The following PALM2AKAP2 variants were observed in gnomAD, a reference collection of about 807,000 sequenced individuals.
PALM2AKAP2 encodes the protein PALM2 and AKAP2 fusion, also known as PALM2-AKAP2 fusion protein.
A neutral mutation model predicts 71.5 loss-of-function variants in PALM2AKAP2; 37 were observed. The observed-to-expected ratio is 0.52, with a 90% confidence interval of 0.40 to 0.68. The LOEUF is 0.68. Among genes scored for constraint, PALM2AKAP2 ranks in the 30% least tolerant of loss-of-function variants. The pLI, the probability that PALM2AKAP2 is intolerant of heterozygous loss-of-function variation, is 0.00. For synonymous variants in PALM2AKAP2, 468 were observed against 478.8 expected (o/e 0.98, Z 0.29); for missense variants, 1,224 against 1,191.8 (o/e 1.03, Z -0.40).
At chr9:110,118,171 A>T (rs1247023744) in intron 1 of PALM2AKAP2, among the ~76,000 whole-genome samples, 1 of 146,460 alleles carries the variant, frequency 6.8e-6, no homozygotes, top group East Asian at 2.0e-4. Flanking sequence ...TGGAATATAT[A>T]TTATATATAT....
chr9:109,780,652 TA>T, intron 1 of PALM2AKAP2, 119 bp downstream of exon 1: 1 of 1,429,354 alleles, frequency 7.0e-7, no homozygotes, highest in Non-Finnish European at 9.8e-7. Context: ...TTCCAGGGGC[TA>T]AAACTCTGTC....
chr9:110,050,060 T>C (rs1833680355), intron 1 of PALM2AKAP2, among the ~76,000 whole-genome samples: 1 of 152,262 alleles, frequency 6.6e-6, no homozygotes, highest in Non-Finnish European at 1.5e-5. Context: ...CAGATCAGAC[T>C]TTGACATATC....
intron 1 of PALM2AKAP2, among the ~76,000 whole-genome samples, chr9:110,081,175 GA>G (rs1218874500): frequency 6.6e-6 from 1 of 152,234 alleles, no homozygotes; most frequent in Non-Finnish European, 1.5e-5. Flanking sequence ...GGGTCTTGCA[GA>G]AAGAATATGC....
At chr9:110,075,179 A>G (rs1348287655) in intron 1 of PALM2AKAP2, among the ~76,000 whole-genome samples, 1 of 151,960 alleles carries the variant, frequency 6.6e-6, no homozygotes, top group East Asian at 1.9e-4. Context: ...GTTCACCCCT[A>G]CTCTTTTACC....
intron 3 of PALM2AKAP2, among the ~76,000 whole-genome samples, chr9:109,889,876 A>G (rs1045713468): frequency 2.0e-5 from 3 of 152,216 alleles, no homozygotes; most frequent in South Asian, 2.1e-4. Context: ...TGGGAAATAC[A>G]TGCATTTCCC....
At chr9:109,822,587 C>T (rs1587935505) in intron 1 of PALM2AKAP2, among the ~76,000 whole-genome samples, 2 of 152,230 alleles carry the variant, frequency 1.3e-5, no homozygotes, top group East Asian at 3.9e-4. Flanking sequence ...CCATGGTATA[C>T]TCAGTGTTTA....
intron 6 of PALM2AKAP2, among the ~76,000 whole-genome samples, chr9:110,009,126 G>A (rs1832833625): frequency 6.6e-6 from 1 of 152,104 alleles, no homozygotes; most frequent in African/African-American, 2.4e-5. Flanking sequence ...TTGCACATTC[G>A]GGTCCATTCA....
At chr9:109,775,159 C>T (rs1184235621) in intron 1 of PALM2AKAP2, among the ~76,000 whole-genome samples, 4 of 152,190 alleles carry the variant, frequency 2.6e-5, no homozygotes, top group Non-Finnish European at 4.4e-5. Context: ...GATTCCCGTA[C>T]ACTCTCCTTA....
chr9:109,849,625 G>A (rs10980085), intron 1 of PALM2AKAP2, among the ~76,000 whole-genome samples: 16,365 of 151,948 alleles, frequency 0.11, 1,004 homozygotes, highest in East Asian at 0.24. Flanking sequence ...GCATGGTGGC[G>A]TGCACCTGTA....
intron 1 of PALM2AKAP2, among the ~76,000 whole-genome samples, chr9:110,056,794 C>T (rs983318953): frequency 6.6e-6 from 1 of 152,082 alleles, no homozygotes; most frequent in Non-Finnish European, 1.5e-5. Context: ...GAGATGGACT[C>T]AAGAGTGGGA....
chr9:109,995,461 A>C (rs141678025), intron 6 of PALM2AKAP2, among the ~76,000 whole-genome samples: 1,742 of 152,290 alleles, frequency 0.011, 19 homozygotes, highest in Non-Finnish European at 0.018. Context: ...TAAAAAAGAC[A>C]TACCCAAGAC....
intron 7 of PALM2AKAP2, among the ~76,000 whole-genome samples, chr9:110,040,851 TTCTA>T (rs749265801): frequency 3.9e-4 from 59 of 152,332 alleles, no homozygotes; most frequent in Non-Finnish European, 6.5e-4. Context: ...TTTTCCAGCA[TTCTA>T]TCTGTGAACA....
rs567911766 is a variant in PALM2AKAP2 at position 109,773,024 on chromosome 9, C to T, written c.6-7464C>T. Among the ~76,000 whole-genome samples, 200 of 152,086 alleles carry T rather than the reference C, an allele frequency of 1.3e-3. 1 individual carries two copies. The highest frequency in any genetic ancestry group is 4.5e-3 in the African/African-American group (185 of 41,484). ...TCCTAGCTACTTGGGAGGCTAAGGCCGGAGAATGGCGTGAACCTGGAAGGC... is the reference window on the plus strand; with the variant it reads ...TCCTAGCTACTTGGGAGGCTAAGGCTGGAGAATGGCGTGAACCTGGAAGGC... On this transcript the variant is annotated intron_variant, in intron 1 of 6. Coordinates refer to the PALM2AKAP2 transcript ENST00000374531.
At chr9:110,006,324 C>CTTTCTT (rs781207805) in intron 6 of PALM2AKAP2, among the ~76,000 whole-genome samples, 73 of 102,212 alleles carry the variant, frequency 7.1e-4, no homozygotes, top group African/African-American at 2.7e-3. Context: ...TTCCTTCCTT[C>CTTTCTT]TCTTTCTTTC....
At position 110,048,743 on chromosome 9, in the gene PALM2AKAP2, A is replaced by C. The variant is rs764654508; in HGVS notation, c.44A>C (p.Glu15Ala). 2.2e-6 allele frequency: 3 copies of C among 1,369,994 alleles called. No individual in the cohort carries two copies. The South Asian group carries it at 4.4e-5, about 20-fold the overall frequency. 84.9% of individuals were successfully genotyped at this position (1,369,994 alleles called of 1,614,324 possible). A position where few individuals can be genotyped will look rare whatever the true frequency, so the allele number is the denominator to read the frequency against. ...GGGGCTGCCGCTCGCCTTCCCCCGG[A>C]GTCTCCTGGACCCCCGGAGTCTCCT... Residue 15 changes from glutamate to alanine, a missense_variant, in exon 1 of 4, where the codon GAG (glutamate) becomes GCG (alanine). Physicochemically the swap from Glu to Ala is moderately radical, Grantham distance 107 (BLOSUM62 -1). Transcript: ENST00000374525.
At chr9:109,682,995 A>G (rs1362069517) in intron 1 of PALM2AKAP2, among the ~76,000 whole-genome samples, 1 of 152,178 alleles carries the variant, frequency 6.6e-6, no homozygotes, top group Non-Finnish European at 1.5e-5. Context: ...TTTCTCATGA[A>G]TAGTTTAGCA....
At chr9:109,919,034 A>T (rs187882788) in intron 3 of PALM2AKAP2, among the ~76,000 whole-genome samples, 19 of 152,324 alleles carry the variant, frequency 1.2e-4, no homozygotes, top group Admixed American at 1.0e-3. Context: ...AGTGGGCATC[A>T]GGTCGCAGAG....
At chr9:109,691,895 TATATATACAC>T (rs1564114971) in intron 1 of PALM2AKAP2, among the ~76,000 whole-genome samples, 1 of 60,988 alleles carries the variant, frequency 1.6e-5, no homozygotes, top group African/African-American at 6.6e-5. Context: ...TATATATATA[TATATATACAC>T]ACACACATAT....
chr9:109,694,477 A>G (rs1276201729), intron 1 of PALM2AKAP2, among the ~76,000 whole-genome samples: 1 of 152,106 alleles, frequency 6.6e-6, no homozygotes, highest in Non-Finnish European at 1.5e-5. Context: ...TACATTAGCA[A>G]CATTAAAGAA....
Sources: allele counts gnomAD v4.1 joint callset (sites outside exome capture counted in the v4.1 genomes callset), GRCh38; gene constraint gnomAD v4.1.1; transcripts MANE v1.5; gene names NCBI Gene and HGNC (gene_info 2026-07-23, HGNC 2026-07-21).